The following PLA2G4A variants were observed in gnomAD, a reference collection of about 807,000 sequenced individuals.
PLA2G4A encodes the protein cytosolic phospholipase A2.
Under a neutral mutation model 81.9 loss-of-function variants are expected in PLA2G4A, and 40 were observed. The ratio of observed to expected loss-of-function variants is 0.49; its 90% CI spans 0.38 to 0.64. The LOEUF (loss-of-function observed/expected upper bound fraction) is 0.64, where lower values mean the gene tolerates loss of function less well. PLA2G4A is among the 30% of genes least tolerant of loss of function. PLA2G4A has a pLI of 0.00. For synonymous variants in PLA2G4A, 302 were observed against 296.9 expected, an observed-to-expected ratio of 1.02 and a Z score of -0.18; for missense variants, 715 against 905.1, an observed-to-expected ratio of 0.79 and a Z score of 2.69.
At chr1:186,908,430 C>T (rs1190698896) in intron 6 of PLA2G4A, among the ~76,000 whole-genome samples, 1 of 151,814 alleles carries the variant, frequency 6.6e-6, no homozygotes, top group Non-Finnish European at 1.5e-5. Flanking sequence ...CTACTACTTT[C>T]TAATTATGTT....
intron 14 of PLA2G4A, among the ~76,000 whole-genome samples, chr1:186,964,496 C>T (rs1657064049): frequency 6.6e-6 from 1 of 152,240 alleles, no homozygotes; most frequent in Non-Finnish European, 1.5e-5. Context: ...CCTGATTCTG[C>T]CTTGGGACCC....
chr1:186,901,558 A>C (rs1460439030), intron 5 of PLA2G4A, among the ~76,000 whole-genome samples: 1 of 152,206 alleles, frequency 6.6e-6, no homozygotes, highest in Non-Finnish European at 1.5e-5. Flanking sequence ...AAAGTAATGA[A>C]GTTTAAAAGA....
At chr1:186,909,533 G>A in intron 6 of PLA2G4A, among the ~76,000 whole-genome samples, 1 of 151,364 alleles carries the variant, frequency 6.6e-6, no homozygotes, top group East Asian at 2.0e-4. Flanking sequence ...ATTGGTGCGT[G>A]CCTGTAATCC....
At chr1:186,894,050 AAG>A (rs1558409647) in intron 4 of PLA2G4A, 46 bp from the exon 5 acceptor site, 1 of 809,574 alleles carries the variant, frequency 1.2e-6, no homozygotes, top group Non-Finnish European at 2.2e-6. Context: ...GTCATTTCCA[AAG>A]ATCCATGGGA....
At chr1:186,957,768 C>T (rs1480783666) in intron 14 of PLA2G4A, among the ~76,000 whole-genome samples, 2 of 152,194 alleles carry the variant, frequency 1.3e-5, no homozygotes, top group Non-Finnish European at 1.5e-5. Context: ...TTTTCAGTTC[C>T]ATGCCTGTTA....
intron 5 of PLA2G4A, among the ~76,000 whole-genome samples, chr1:186,900,623 C>A (rs952570771): frequency 6.6e-6 from 1 of 152,068 alleles, no homozygotes; most frequent in African/African-American, 2.4e-5. Context: ...TTATAGTGGC[C>A]CATTTTAAAG....
intron 17 of PLA2G4A, 52 bp downstream of exon 17, chr1:186,979,524 A>T (rs1362366682): frequency 9.1e-7 from 1 of 1,100,416 alleles, no homozygotes; most frequent in South Asian, 1.2e-5. Flanking sequence ...CATACCGTAT[A>T]AATACACCAA....
intron 7 of PLA2G4A, among the ~76,000 whole-genome samples, chr1:186,931,326 T>A (rs548617282): frequency 6.6e-6 from 1 of 151,988 alleles, no homozygotes; most frequent in Admixed American, 6.6e-5. Context: ...ACTTGTAGAG[T>A]GTGCTTTCGT....
intron 7 of PLA2G4A, among the ~76,000 whole-genome samples, chr1:186,913,674 A>T (rs1245571750): frequency 6.6e-6 from 1 of 152,202 alleles, no homozygotes; most frequent in Non-Finnish European, 1.5e-5. Flanking sequence ...ATATGTGCAT[A>T]GTCTTGTACA....
chr1:186,988,703 G>T lies in PLA2G4A; in HGVS notation c.*195G>T. 1 of 482,476 alleles carries T rather than the reference G, an allele frequency of 2.1e-6. No individual in the cohort carries two copies. Among genetic ancestry groups the T allele is most frequent in the Admixed American group, 3.0e-5 (1 of 33,894 alleles). The allele number at this position is 482,476 out of a possible 1,614,324, so 29.9% of individuals were successfully genotyped here. A position where few individuals can be genotyped will look rare whatever the true frequency, so the allele number is the denominator to read the frequency against. The stretch of plus-strand genomic sequence containing the variant: ...TGACAAATGATGTTGATTATGTAAG[G>T]ATATACTTAGCTACATTTTCAGTCA... On this transcript the variant is annotated 3_prime_UTR_variant, in exon 18 of 18. Coordinates refer to ENST00000367466, the MANE Select transcript of PLA2G4A (RefSeq NM_024420.3).
chr1:186,905,075 G>A (rs1173955559), intron 5 of PLA2G4A, among the ~76,000 whole-genome samples: 1 of 152,072 alleles, frequency 6.6e-6, no homozygotes, highest in African/African-American at 2.4e-5. Flanking sequence ...GGCTGGTTTC[G>A]AACTCCTGAC....
At chr1:186,900,239 T>C (rs1654488743) in intron 5 of PLA2G4A, among the ~76,000 whole-genome samples, 1 of 152,216 alleles carries the variant, frequency 6.6e-6, no homozygotes, top group Non-Finnish European at 1.5e-5. Context: ...TGTTATCTTT[T>C]CTGCCTTTGC....
Position 186,946,940 on chromosome 1 carries a change from TC to T in PLA2G4A, c.1245del (p.Thr416GlnfsTer6). On this transcript the variant is annotated frameshift_variant, in exon 12 of 18. Transcript: ENST00000367466. LOFTEE classifies it high-confidence loss of function. The stretch of plus-strand genomic sequence containing the variant: ...CGTTTCTGGTTCACAAAGCAGAGGC[TC>T]CACAATGGAGGAAGAATTAGGTATC... ...LGVSGSQSRGSTMEEELENIT... is the reference protein window; with the variant it reads ...LGVSGSQSRGXTMEEELENIT... 6.2e-7 allele frequency: 1 copy of T among 1,603,312 alleles called. No individual in the cohort carries two copies. Among genetic ancestry groups the T allele is most frequent in the South Asian group, 1.1e-5 (1 of 90,888 alleles).
chr1:186,874,651 A>G (rs1006595902), intron 3 of PLA2G4A, among the ~76,000 whole-genome samples: 5 of 152,062 alleles, frequency 3.3e-5, no homozygotes, highest in African/African-American at 1.2e-4. Flanking sequence ...AGAGCTTCCA[A>G]GAACAGGTGT....
At chr1:186,919,509 T>A (rs1428532658) in intron 7 of PLA2G4A, among the ~76,000 whole-genome samples, 1 of 152,154 alleles carries the variant, frequency 6.6e-6, no homozygotes, top group Non-Finnish European at 1.5e-5. Flanking sequence ...CAGAAGGTCG[T>A]CCACGTACAG....
intron 1 of PLA2G4A, among the ~76,000 whole-genome samples, chr1:186,842,250 C>T (rs1652010708): frequency 6.6e-6 from 1 of 151,914 alleles, no homozygotes; most frequent in African/African-American, 2.4e-5. Flanking sequence ...ACAGTGTTGC[C>T]CAGGCTGGTC....
chr1:186,930,413 A>T (rs1255893719), intron 7 of PLA2G4A, among the ~76,000 whole-genome samples: 3 of 152,126 alleles, frequency 2.0e-5, no homozygotes, highest in Non-Finnish European at 4.4e-5. Flanking sequence ...CAAGCAACAT[A>T]CCATAAGCAT....
At chr1:186,915,837 T>C (rs1001569065) in intron 7 of PLA2G4A, among the ~76,000 whole-genome samples, 1 of 152,162 alleles carries the variant, frequency 6.6e-6, no homozygotes, top group Non-Finnish European at 1.5e-5. Context: ...AACTAAGTCA[T>C]CCTACGGGGT....
intron 16 of PLA2G4A, among the ~76,000 whole-genome samples, chr1:186,978,067 T>G (rs896160727): frequency 3.3e-5 from 5 of 152,230 alleles, no homozygotes; most frequent in African/African-American, 1.2e-4. Flanking sequence ...ATGTTTGTTC[T>G]GATTGATTTT....
Sources: allele counts gnomAD v4.1 joint callset (sites outside exome capture counted in the v4.1 genomes callset), GRCh38; gene constraint gnomAD v4.1.1; transcripts MANE v1.5; gene names NCBI Gene and HGNC (gene_info 2026-07-23, HGNC 2026-07-21).